OCA2: variants seen among roughly 807,000 people sequenced by gnomAD.
OCA2 encodes the protein P protein.
OCA2 carries 77 observed loss-of-function variants against 100.2 expected under a neutral mutation model. The ratio of observed to expected loss-of-function variants is 0.77; its 90% CI spans 0.64 to 0.93. The LOEUF (loss-of-function observed/expected upper bound fraction) is 0.93. Ranked by LOEUF, OCA2 falls within the 40% of genes least tolerant of loss-of-function variation. OCA2 has a pLI of 0.00. For missense variants in OCA2, 1,062 were observed against 1,089.1 expected (o/e 0.98, Z 0.35); for synonymous variants, 432 against 439.2 (o/e 0.98, Z 0.21).
intron 19 of OCA2, among the ~76,000 whole-genome samples, chr15:27,873,134 T>C (rs1481847831): frequency 6.6e-6 from 1 of 152,244 alleles, no homozygotes; most frequent in Non-Finnish European, 1.5e-5. Context: ...AACTAAGTCA[T>C]AAGGAGAATC....
intron 18 of OCA2, among the ~76,000 whole-genome samples, chr15:27,943,772 C>T (rs2039735610): frequency 6.6e-6 from 1 of 151,842 alleles, no homozygotes; most frequent in Admixed American, 6.6e-5. Context: ...ACTCTTTCAA[C>T]CAATTGCCAA....
chr15:27,913,884 A>AAAGAAG (rs2038529903), intron 19 of OCA2, among the ~76,000 whole-genome samples: 1 of 64,044 alleles, frequency 1.6e-5, no homozygotes, highest in African/African-American at 7.4e-5. Flanking sequence ...AGAAAGAAAG[A>AAAGAAG]AAGAAAGAAA....
At chr15:28,037,252 A>G (rs1360016975) in intron 2 of OCA2, among the ~76,000 whole-genome samples, 1 of 151,758 alleles carries the variant, frequency 6.6e-6, no homozygotes, top group Non-Finnish European at 1.5e-5. Flanking sequence ...AAATAAATCA[A>G]GCAGAAGTCA....
chr15:28,068,151 G>A (rs1312050334), intron 2 of OCA2, among the ~76,000 whole-genome samples: 1 of 152,118 alleles, frequency 6.6e-6, no homozygotes, highest in Non-Finnish European at 1.5e-5. Context: ...AGAGTCTCCT[G>A]CTCTTTTTTA....
chr15:28,098,646 T>C (rs1203104454), intron 1 of OCA2, among the ~76,000 whole-genome samples: 3 of 152,214 alleles, frequency 2.0e-5, no homozygotes, highest in Non-Finnish European at 4.4e-5. Flanking sequence ...CACCGGGCAC[T>C]TGTCCTGAGC....
chr15:27,794,957 C>G (rs924346622), intron 23 of OCA2, among the ~76,000 whole-genome samples: 2 of 152,130 alleles, frequency 1.3e-5, no homozygotes, highest in Admixed American at 6.5e-5. Context: ...TCTAGTAGTT[C>G]AGATGTCAGA....
At chr15:27,735,300 G>A in the OCA2 span, among the ~76,000 whole-genome samples, 5 of 152,056 alleles carry the variant, frequency 3.3e-5, no homozygotes, top group Admixed American at 3.3e-4. Flanking sequence ...CAAGTCATTT[G>A]AAAATATATA....
chr15:28,025,000 G>T, intron 4 of OCA2, 98 bp from the exon 5 acceptor site: 2 of 1,118,644 alleles, frequency 1.8e-6, no homozygotes, highest in Non-Finnish European at 2.7e-6. Flanking sequence ...CCATCTCAAA[G>T]CATGTGTTTT....
At chr15:27,758,042 C>T (rs974554170) in intron 23 of OCA2, among the ~76,000 whole-genome samples, 1 of 152,170 alleles carries the variant, frequency 6.6e-6, no homozygotes, top group African/African-American at 2.4e-5. Context: ...ATTCCTCCCA[C>T]TAAGCAGAGC....
intron 6 of OCA2, among the ~76,000 whole-genome samples, chr15:28,019,541 C>T (rs1467511741): frequency 1.3e-5 from 2 of 152,156 alleles, no homozygotes; most frequent in African/African-American, 4.8e-5. Flanking sequence ...GCGGGAGACA[C>T]TGAGGTTCCG....
chr15:28,035,357 C>T (rs2043017871), intron 2 of OCA2, among the ~76,000 whole-genome samples: 1 of 152,058 alleles, frequency 6.6e-6, no homozygotes, highest in African/African-American at 2.4e-5. Flanking sequence ...AACTTAACAC[C>T]ATCCGGATAC....
intron 1 of OCA2, among the ~76,000 whole-genome samples, chr15:28,087,588 A>T (rs997317228): frequency 6.6e-6 from 1 of 152,026 alleles, no homozygotes; most frequent in East Asian, 1.9e-4. Flanking sequence ...TCTATTAAAA[A>T]CACAAAAACT....
intron 23 of OCA2, among the ~76,000 whole-genome samples, chr15:27,759,559 A>T (rs2030662296): frequency 6.6e-6 from 1 of 152,190 alleles, no homozygotes; most frequent in Non-Finnish European, 1.5e-5. Flanking sequence ...CAGAGCAAAG[A>T]ACATTTCCAA....
the OCA2 span, among the ~76,000 whole-genome samples, chr15:27,722,733 TTC>T: frequency 2.3e-5 from 1 of 43,796 alleles, no homozygotes; most frequent in Non-Finnish European, 8.1e-5. Flanking sequence ...TCTTCTTTCT[TTC>T]TTTCTTCTTT....
chr15:27,844,643 T>C (rs1407662373), intron 23 of OCA2, among the ~76,000 whole-genome samples: 1 of 152,084 alleles, frequency 6.6e-6, no homozygotes, highest in East Asian at 1.9e-4. Flanking sequence ...GGATTACAGG[T>C]ACATGCTGCC....
chr15:27,873,194 C>A (rs966556486), intron 19 of OCA2, among the ~76,000 whole-genome samples: 6 of 152,206 alleles, frequency 3.9e-5, no homozygotes, highest in Non-Finnish European at 8.8e-5. Flanking sequence ...AGAGCCAGAT[C>A]GTTCTTGGCT....
chr15:27,920,205 A>G (rs2038807478), intron 19 of OCA2, among the ~76,000 whole-genome samples: 1 of 152,206 alleles, frequency 6.6e-6, no homozygotes, highest in Non-Finnish European at 1.5e-5. Flanking sequence ...TATGCTGTCT[A>G]CAAGAGCTTA....
intron 19 of OCA2, among the ~76,000 whole-genome samples, chr15:27,880,368 G>GT (rs926953458): frequency 5.3e-5 from 8 of 151,950 alleles, no homozygotes; most frequent in Admixed American, 2.0e-4. Flanking sequence ...TTTTAAAGTA[G>GT]TTTTTTTTCC....
the OCA2 span, among the ~76,000 whole-genome samples, chr15:27,747,161 C>G: frequency 6.6e-6 from 1 of 152,200 alleles, no homozygotes; most frequent in Non-Finnish European, 1.5e-5. Context: ...AACAACCACA[C>G]AGTGAGGAGG....
Sources: gnomAD v4.1 joint callset for allele counts (sites outside exome capture counted in the v4.1 genomes callset) on GRCh38, gnomAD v4.1.1 for gene constraint, MANE v1.5 for transcripts, NCBI Gene and HGNC (gene_info 2026-07-23, HGNC 2026-07-21) for gene names.